UVRAG: variants seen among roughly 807,000 people sequenced by gnomAD.
UVRAG encodes the protein UV radiation resistance associated.
A neutral mutation model predicts 78.0 loss-of-function variants in UVRAG; 19 were observed. That is an observed-to-expected ratio of 0.24 (90% CI 0.17 to 0.36). UVRAG has a LOEUF of 0.36. Among genes scored for constraint, UVRAG ranks in the 10% least tolerant of loss-of-function variants. The probability of loss-of-function intolerance (pLI) is 1.00; values close to 1 mark genes in which losing one functional copy is unlikely to be tolerated. For missense variants in UVRAG, 740 were observed against 853.8 expected, an observed-to-expected ratio of 0.87 and a Z score of 1.66; for synonymous variants, 323 against 324.6, an observed-to-expected ratio of 1.00 and a Z score of 0.05.
intron 2 of UVRAG, among the ~76,000 whole-genome samples, chr11:75,860,414 A>G (rs1946392837): frequency 6.6e-6 from 1 of 152,264 alleles, no homozygotes; most frequent in Non-Finnish European, 1.5e-5. Context: ...ACTTAACAGT[A>G]ATATATACTT....
At chr11:75,998,780 A>G (rs544070694) in intron 8 of UVRAG, among the ~76,000 whole-genome samples, 4 of 152,366 alleles carry the variant, frequency 2.6e-5, no homozygotes, top group East Asian at 1.9e-4. Context: ...GATATAAGGC[A>G]GTTTTTACTA....
chr11:75,975,736 C>A (rs1202914307), intron 7 of UVRAG, among the ~76,000 whole-genome samples: 5 of 152,152 alleles, frequency 3.3e-5, no homozygotes, highest in East Asian at 1.9e-4. Context: ...GACTTTGCTG[C>A]AGTTGCTTAT....
intron 7 of UVRAG, among the ~76,000 whole-genome samples, chr11:75,974,341 TAAA>T (rs1949187303): frequency 6.8e-6 from 1 of 146,958 alleles, no homozygotes. Context: ...GTTGGCTGCA[TAAA>T]TGTCTTCTTT....
chr11:75,884,138 T>C (rs1446583004), intron 4 of UVRAG, among the ~76,000 whole-genome samples: 1 of 152,176 alleles, frequency 6.6e-6, no homozygotes, highest in Admixed American at 6.5e-5. Context: ...GGTATCTCAT[T>C]GTAGTTTTAA....
At chr11:76,083,501 G>C (rs1951535422) in intron 13 of UVRAG, among the ~76,000 whole-genome samples, 1 of 152,088 alleles carries the variant, frequency 6.6e-6, no homozygotes, top group African/African-American at 2.4e-5. Context: ...TTTGGGTATT[G>C]GGGCATTTGC....
At chr11:75,966,500 C>T (rs1233639525) in intron 7 of UVRAG, among the ~76,000 whole-genome samples, 1 of 152,006 alleles carries the variant, frequency 6.6e-6, no homozygotes, top group Non-Finnish European at 1.5e-5. Context: ...ATTTCATATC[C>T]TTTTATTCAC....
chr11:75,923,003 CATAT>C (rs147448761), intron 6 of UVRAG, among the ~76,000 whole-genome samples: 49 of 138,766 alleles, frequency 3.5e-4, no homozygotes, highest in African/African-American at 1.2e-3. Context: ...TATATTTTTT[CATAT>C]ATATATATAT....
At chr11:75,981,323 G>A (rs183552564) in intron 7 of UVRAG, among the ~76,000 whole-genome samples, 1 of 152,216 alleles carries the variant, frequency 6.6e-6, no homozygotes, top group Admixed American at 6.5e-5. Flanking sequence ...TGTTGGCCAG[G>A]CTGGTCTCAA....
chr11:75,927,010 T>A (rs1022906093), intron 6 of UVRAG, among the ~76,000 whole-genome samples: 2 of 152,134 alleles, frequency 1.3e-5, no homozygotes, highest in African/African-American at 4.8e-5. Context: ...TTACCGCTGT[T>A]TTACTCATGA....
At chr11:76,122,041 C>A (rs1049968126) in intron 14 of UVRAG, among the ~76,000 whole-genome samples, 12 of 152,174 alleles carry the variant, frequency 7.9e-5, no homozygotes, top group Admixed American at 2.6e-4. Context: ...GCCATCTGAG[C>A]TGTTCTACTC....
At chr11:75,866,383 A>AT (rs1318992918) in intron 3 of UVRAG, among the ~76,000 whole-genome samples, 3 of 151,598 alleles carry the variant, frequency 2.0e-5, no homozygotes. Context: ...AAATAAATAA[A>AT]ATAAAATAAA....
intron 7 of UVRAG, among the ~76,000 whole-genome samples, chr11:75,974,996 G>T (rs1949206893): frequency 6.6e-6 from 1 of 152,144 alleles, no homozygotes; most frequent in South Asian, 2.1e-4. Context: ...TCTCCTAGGG[G>T]TTTTTATGGT....
chr11:76,002,726 A>G (rs1383581799), intron 8 of UVRAG, among the ~76,000 whole-genome samples: 1 of 152,178 alleles, frequency 6.6e-6, no homozygotes, highest in Non-Finnish European at 1.5e-5. Flanking sequence ...TTGGGGTCAG[A>G]GTTCCCAACT....
chr11:75,835,095 A>C (rs1945748062), intron 1 of UVRAG: 1 of 152,214 alleles, frequency 6.6e-6, no homozygotes, highest in Non-Finnish European at 1.5e-5. Flanking sequence ...AGTAGTACGG[A>C]GACTGTTCAC....
chr11:76,061,229 T>G (rs2134372192), intron 12 of UVRAG, among the ~76,000 whole-genome samples: 1 of 152,314 alleles, frequency 6.6e-6, no homozygotes, highest in South Asian at 2.1e-4. Flanking sequence ...GTTGACACTC[T>G]GTATCTAGCT....
intron 2 of UVRAG, among the ~76,000 whole-genome samples, chr11:75,856,916 C>T (rs1946304856): frequency 2.0e-5 from 3 of 152,146 alleles, no homozygotes; most frequent in Admixed American, 1.3e-4. Context: ...TGTATTCTTC[C>T]TTATATCAGA....
chr11:75,932,265 CTTTA>C (rs71272238), intron 6 of UVRAG, among the ~76,000 whole-genome samples: 6,102 of 149,634 alleles, frequency 0.041, 145 homozygotes, highest in South Asian at 0.077. Flanking sequence ...ATTATATGAT[CTTTA>C]TTTATTTATT....
At chr11:75,961,351 C>G in intron 6 of UVRAG, 93 bp from the exon 7 acceptor site, 1 of 895,378 alleles carries the variant, frequency 1.1e-6, no homozygotes, top group Non-Finnish European at 1.7e-6. Context: ...ATTATTAATT[C>G]TATGTATCCT....
intron 14 of UVRAG, among the ~76,000 whole-genome samples, chr11:76,127,981 G>A (rs1952442188): frequency 6.6e-6 from 1 of 152,012 alleles, no homozygotes; most frequent in African/African-American, 2.4e-5. Context: ...ACTTGAATTG[G>A]GTTTTAGAAG....
Sources: allele counts gnomAD v4.1 joint callset (sites outside exome capture counted in the v4.1 genomes callset), GRCh38; gene constraint gnomAD v4.1.1; transcripts MANE v1.5; gene names NCBI Gene and HGNC (gene_info 2026-07-23, HGNC 2026-07-21).